Variants in PDE1A observed in about 807,000 individuals in gnomAD.
PDE1A encodes the protein phosphodiesterase 1A, also known as dual specificity calcium/calmodulin-dependent 3',5'-cyclic nucleotide phosphodiesterase 1A.
A neutral mutation model predicts 61.7 loss-of-function variants in PDE1A; 35 were observed. That is an observed-to-expected ratio of 0.57 (90% CI 0.43 to 0.75). The LOEUF is 0.75. Among genes scored for constraint, PDE1A ranks in the 30% least tolerant of loss-of-function variants. PDE1A has a pLI of 0.00. For synonymous variants in PDE1A, 232 were observed against 213.2 expected, an observed-to-expected ratio of 1.09 and a Z score of -0.77; for missense variants, 597 against 630.6, an observed-to-expected ratio of 0.95 and a Z score of 0.57.
chr2:182,672,344 T>C, the PDE1A span, among the ~76,000 whole-genome samples: 1 of 152,212 alleles, frequency 6.6e-6, no homozygotes, highest in Admixed American at 6.5e-5. Flanking sequence ...CCATTACTTT[T>C]AATGCAAAAA....
chr2:182,232,671 A>G (rs923412589), intron 4 of PDE1A, among the ~76,000 whole-genome samples: 1 of 152,198 alleles, frequency 6.6e-6, no homozygotes, highest in African/African-American at 2.4e-5. Flanking sequence ...ATCTCTTTAT[A>G]TATTAAAAGT....
intron 7 of PDE1A, among the ~76,000 whole-genome samples, chr2:182,206,301 C>T (rs1351475686): frequency 1.3e-5 from 2 of 152,104 alleles, no homozygotes; most frequent in Admixed American, 1.3e-4. Context: ...TACAAAATTT[C>T]CCATGTACTT....
At chr2:182,490,968 G>C (rs1400783026) in intron 2 of PDE1A, among the ~76,000 whole-genome samples, 1 of 152,274 alleles carries the variant, frequency 6.6e-6, no homozygotes, top group East Asian at 1.9e-4. Context: ...TAGGAAGCAG[G>C]GGGGAAGGAA....
the PDE1A span, among the ~76,000 whole-genome samples, chr2:182,642,081 T>G: frequency 6.6e-6 from 1 of 152,196 alleles, no homozygotes; most frequent in African/African-American, 2.4e-5. Context: ...TAACTATTAT[T>G]TCTAAAGCAA....
chr2:182,489,527 C>T (rs1353013403), intron 2 of PDE1A, among the ~76,000 whole-genome samples: 4 of 152,090 alleles, frequency 2.6e-5, no homozygotes, highest in Non-Finnish European at 5.9e-5. Context: ...GACAGCAGCT[C>T]GGACCAGGGA....
intron 1 of PDE1A, among the ~76,000 whole-genome samples, chr2:182,404,220 T>C (rs1476992329): frequency 6.6e-6 from 1 of 152,174 alleles, no homozygotes; most frequent in Admixed American, 6.5e-5. Context: ...CCTCTGCCAA[T>C]TAGCCAAGGA....
At chr2:182,412,694 C>G (rs1362768513) in intron 1 of PDE1A, among the ~76,000 whole-genome samples, 1 of 152,064 alleles carries the variant, frequency 6.6e-6, no homozygotes, top group Non-Finnish European at 1.5e-5. Flanking sequence ...TACTTAATGT[C>G]TTAGAGTTTT....
the PDE1A span, among the ~76,000 whole-genome samples, chr2:182,699,074 T>TA: frequency 5.3e-5 from 8 of 152,312 alleles, no homozygotes; most frequent in South Asian, 2.1e-4. Context: ...CCTTTATCAG[T>TA]AAAAATAAAT....
intron 6 of PDE1A, among the ~76,000 whole-genome samples, chr2:182,226,537 C>T (rs189508841): frequency 1.8e-4 from 27 of 149,752 alleles, no homozygotes; most frequent in Non-Finnish European, 3.5e-4. Flanking sequence ...TTGTTAGTTC[C>T]TTAGCTGCTG....
chr2:182,454,352 T>C (rs1193583036), intron 2 of PDE1A, among the ~76,000 whole-genome samples: 1 of 152,122 alleles, frequency 6.6e-6, no homozygotes, highest in African/African-American at 2.4e-5. Flanking sequence ...CCCAAGGTAA[T>C]TTATAGATTC....
intron 1 of PDE1A, among the ~76,000 whole-genome samples, chr2:182,327,725 G>A (rs141887667): frequency 6.6e-6 from 1 of 152,206 alleles, no homozygotes; most frequent in Non-Finnish European, 1.5e-5. Context: ...CAGTGGGTTT[G>A]AGAAGTATGG....
intron 7 of PDE1A, among the ~76,000 whole-genome samples, chr2:182,221,921 C>G (rs6741055): frequency 0.42 from 63,298 of 151,718 alleles, 13,958 homozygotes; most frequent in Middle Eastern, 0.59. Context: ...ATGATCTATA[C>G]TGTGGATCTC....
intron 2 of PDE1A, among the ~76,000 whole-genome samples, chr2:182,450,642 T>C (rs1177160285): frequency 1.3e-5 from 2 of 152,048 alleles, no homozygotes; most frequent in African/African-American, 2.4e-5. Flanking sequence ...ATCAGGCTTG[T>C]TCCTTTTAAG....
At chr2:182,222,914 T>A (rs1377247047) in intron 7 of PDE1A, among the ~76,000 whole-genome samples, 5 of 152,002 alleles carry the variant, frequency 3.3e-5, no homozygotes, top group Non-Finnish European at 7.4e-5. Context: ...GACCAAATCC[T>A]GCTTCTCAGA....
In PDE1A at chr2:182,242,098, T is replaced by C. The variant is rs6740124; in HGVS notation, c.168-1806A>G. 0.01 allele frequency: 13,368 copies of C among 1,279,156 alleles called. 1,110 individuals carry two copies. In the African/African-American group the frequency reaches 0.18, roughly 17 times the overall value. The allele number at this position is 1,279,156 out of a possible 1,614,324, so 79.2% of individuals were successfully genotyped here. A position where few individuals can be genotyped will look rare whatever the true frequency, so the allele number is the denominator to read the frequency against. ...TTGTGATGTCACCATGCTCCAAGCATTCCACTGCAGCCTAGTTTTGTCAGC... is the reference window on the plus strand; with the variant it reads ...TTGTGATGTCACCATGCTCCAAGCACTCCACTGCAGCCTAGTTTTGTCAGC... On this transcript the variant is annotated intron_variant, in intron 2 of 13. Coordinates refer to ENST00000351439, the Ensembl canonical transcript of PDE1A.
At chr2:182,247,900 T>G (rs970188695) in intron 2 of PDE1A, among the ~76,000 whole-genome samples, 2 of 152,180 alleles carry the variant, frequency 1.3e-5, no homozygotes, top group Non-Finnish European at 2.9e-5. Flanking sequence ...ATCTAATAGC[T>G]TCATTGCTCT....
the PDE1A span, among the ~76,000 whole-genome samples, chr2:182,638,130 T>C: frequency 6.6e-6 from 1 of 152,252 alleles, no homozygotes; most frequent in Admixed American, 6.5e-5. Context: ...TTTCCTGTTC[T>C]TGATAATTAT....
At chr2:182,617,621 C>T in the PDE1A span, among the ~76,000 whole-genome samples, 45 of 152,232 alleles carry the variant, frequency 3.0e-4, no homozygotes, top group African/African-American at 9.9e-4. Context: ...TTGCATGTGG[C>T]CTATTCAGTT....
intron 1 of PDE1A, among the ~76,000 whole-genome samples, chr2:182,331,115 T>C (rs1184763669): frequency 6.6e-6 from 1 of 152,222 alleles, no homozygotes; most frequent in East Asian, 1.9e-4. Flanking sequence ...TTCTTTCAGA[T>C]GAGCAGATGG....
Sources: allele counts gnomAD v4.1 joint callset (sites outside exome capture counted in the v4.1 genomes callset), GRCh38; gene constraint gnomAD v4.1.1; transcripts MANE v1.5; gene names NCBI Gene and HGNC (gene_info 2026-07-23, HGNC 2026-07-21).